The following SLC12A2 variants were observed in gnomAD, a reference collection of about 807,000 sequenced individuals.
SLC12A2 encodes the protein solute carrier family 12 member 2.
In SLC12A2, 67 loss-of-function variants were observed where a neutral mutation model predicts 136.3. The ratio of observed to expected loss-of-function variants is 0.49; its 90% CI spans 0.40 to 0.60. The LOEUF is 0.60. Ranked by LOEUF, SLC12A2 falls within the 20% of genes least tolerant of loss-of-function variation. The pLI is 0.00. For synonymous variants in SLC12A2, 619 were observed against 562.9 expected (o/e 1.10, Z -1.41); for missense variants, 1,322 against 1,534.7 (o/e 0.86, Z 2.32).
intron 4 of SLC12A2, among the ~76,000 whole-genome samples, chr5:128,124,545 G>C (rs1356189377): frequency 6.6e-6 from 1 of 152,114 alleles, no homozygotes; most frequent in African/African-American, 2.4e-5. Flanking sequence ...CTACAACACA[G>C]AAAGAGCCAA....
At chr5:128,109,766 T>TC (rs917444128) in intron 1 of SLC12A2, 1 of 866,370 alleles carries the variant, frequency 1.2e-6, no homozygotes, top group African/African-American at 1.7e-5. Context: ...AAAGGATGGG[T>TC]CCTTCATGGT....
At chr5:128,102,589 C>T (rs1256866091) in intron 1 of SLC12A2, among the ~76,000 whole-genome samples, 1 of 136,060 alleles carries the variant, frequency 7.3e-6, no homozygotes, top group Non-Finnish European at 1.6e-5. Context: ...TTCACCCCCC[C>T]CCCCGCCTTT....
intron 1 of SLC12A2, among the ~76,000 whole-genome samples, chr5:128,107,620 A>G (rs1199982968): frequency 6.6e-6 from 1 of 152,060 alleles, no homozygotes; most frequent in Non-Finnish European, 1.5e-5. Context: ...AAGGACATGA[A>G]CTCATCCTTT....
chr5:128,149,832 AAAAGT>A (rs1762642042), intron 12 of SLC12A2, among the ~76,000 whole-genome samples, 160 bp from the exon 13 acceptor site: 1 of 151,938 alleles, frequency 6.6e-6, no homozygotes, highest in Non-Finnish European at 1.5e-5. Context: ...TGGATTTCTG[AAAAGT>A]AAAGTATATG....
rs1760654145 is a variant in SLC12A2, at chr5:128,099,173, AATG to A, written c.757-13638_757-13636del. On this transcript the variant is annotated intron_variant, in intron 1 of 26. Coordinates refer to ENST00000262461, the MANE Select transcript of SLC12A2 (RefSeq NM_001046.3). ...ATTAGGTGATTTTGTCATTTTGCAT[AATG>A]ATACAAACCTAGAGAGCATATTCCA... 4.6e-5 allele frequency among the ~76,000 whole-genome samples: 7 copies of A among 152,162 alleles called. No individual in the cohort carries two copies. In the South Asian group the frequency reaches 1.4e-3, roughly 31 times the overall value.
At chr5:128,147,785 C>G in intron 11 of SLC12A2, 56 bp downstream of exon 11, 1 of 1,048,360 alleles carries the variant, frequency 9.5e-7, no homozygotes, top group South Asian at 1.4e-5. Context: ...TAATACTTCT[C>G]AATTTAGAAT....
chr5:128,118,314 C>CA (rs1761430041), intron 4 of SLC12A2, among the ~76,000 whole-genome samples: 2 of 152,006 alleles, frequency 1.3e-5, no homozygotes, highest in Non-Finnish European at 2.9e-5. Context: ...AATGTGGAAC[C>CA]AAACTTAAAT....
chr5:128,084,093 G>A lies in SLC12A2; in HGVS notation c.139G>A (p.Ala47Thr), dbSNP rs1216052909. ...TGTGCCCTCGGTGCCGGAGGATGCT[G>A]CGCCCGCGAGCCGGGACGGCGGCGG... ...TAVPSVPEDA[A>T]PASRDGGGVR... Residue 47 changes from alanine (A) to threonine (T), a missense_variant, in exon 1 of 27, where the codon GCG becomes ACG. Around this residue, in one of 8 missense-constraint regions of SLC12A2, gnomAD observed 358 missense variants for 299.7 expected, o/e 1.19. Coordinates refer to ENST00000262461, the MANE Select transcript of SLC12A2 (RefSeq NM_001046.3). This position sits in a 1 kb window ranked among gnomAD's most constrained non-coding sequence, Gnocchi z 5.6. 4 of 1,315,010 alleles carry A rather than the reference G, an allele frequency of 3.0e-6. No individual in the cohort carries two copies. Among genetic ancestry groups the A allele is most frequent in the South Asian group, 2.2e-5 (1 of 46,124 alleles). The allele number at this position is 1,315,010 out of a possible 1,614,324, so 81.5% of individuals were successfully genotyped here.
In SLC12A2 at chr5:128,114,680, A is replaced by G; in HGVS notation, c.1047A>G (p.Gly349=). Residue 349 remains glycine (G), a splice_region_variant and synonymous_variant, in exon 4 of 27, where the codon GGA becomes GGG. Coordinates refer to ENST00000262461, the MANE Select transcript of SLC12A2 (RefSeq NM_001046.3). ...TAGCAACTAATGGATTTGTAAGAGG[A>G]GGTAAGTAGAATCTTTTTGAATCAT... ...SAIATNGFVR[G]GGAYYLISRS... 1.9e-6 allele frequency: 3 copies of G among 1,569,256 alleles called. No homozygotes were observed. The highest frequency in any genetic ancestry group is 8.8e-7 in the Non-Finnish European group (1 of 1,139,600).
chr5:128,139,868 G>C (rs758873835), intron 9 of SLC12A2, among the ~76,000 whole-genome samples: 47 of 152,290 alleles, frequency 3.1e-4, no homozygotes, highest in Non-Finnish European at 5.6e-4. Flanking sequence ...GATTTGCTGG[G>C]AAGTAATAGC....
At chr5:128,117,500 C>T (rs1413662556) in intron 4 of SLC12A2, among the ~76,000 whole-genome samples, 1 of 152,032 alleles carries the variant, frequency 6.6e-6, no homozygotes, top group Non-Finnish European at 1.5e-5. Flanking sequence ...ACCAAGAAGT[C>T]GATGAGATTT....
At chr5:128,129,039 A>C (rs1262756081) in intron 4 of SLC12A2, among the ~76,000 whole-genome samples, 1 of 152,094 alleles carries the variant, frequency 6.6e-6, no homozygotes, top group Non-Finnish European at 1.5e-5. Context: ...ACATTTTATA[A>C]AATCAAAACT....
chr5:128,095,599 G>A (rs891934445), intron 1 of SLC12A2, among the ~76,000 whole-genome samples: 2 of 152,004 alleles, frequency 1.3e-5, no homozygotes, highest in African/African-American at 2.4e-5. Flanking sequence ...TACAACCTGC[G>A]GGCCACATGT....
At chr5:128,171,563 C>T (rs1177766496) in intron 18 of SLC12A2, 104 bp from the exon 19 acceptor site, 20 of 725,494 alleles carry the variant, frequency 2.8e-5, no homozygotes, top group Non-Finnish European at 3.5e-5. Context: ...CGTTTAAAGC[C>T]GAAAGTAATT....
intron 5 of SLC12A2, among the ~76,000 whole-genome samples, chr5:128,132,796 G>C (rs1378780126): frequency 1.3e-5 from 2 of 152,150 alleles, no homozygotes; most frequent in African/African-American, 4.8e-5. Context: ...GTACTCATTA[G>C]AGTTTATATT....
chr5:128,084,115 G>T lies in SLC12A2; in HGVS notation c.161G>T (p.Gly54Val). 2 of 1,307,090 alleles carry T rather than the reference G, an allele frequency of 1.5e-6. No individual in the cohort carries two copies. Among genetic ancestry groups the T allele is most frequent in the Non-Finnish European group, 1.9e-6 (2 of 1,032,572 alleles). The allele number at this position is 1,307,090 out of a possible 1,614,324, so 81.0% of individuals were successfully genotyped here. Residue 54 changes from glycine to valine, a missense_variant, in exon 1 of 27, where the codon GGC (glycine) becomes GTC (valine). Transcript: ENST00000262461. The surrounding 1 kb of genome is among the most constrained non-coding windows in gnomAD (Gnocchi z 5.6). ...GCTGCGCCCGCGAGCCGGGACGGCG[G>T]CGGGGTCCGCGATGAGGGCCCCGCG... ...EDAAPASRDGGGVRDEGPAAA... is the reference protein window; with the variant it reads ...EDAAPASRDGVGVRDEGPAAA...
At chr5:128,085,658 T>C (rs1760075364) in intron 1 of SLC12A2, among the ~76,000 whole-genome samples, 1 of 152,242 alleles carries the variant, frequency 6.6e-6, no homozygotes, top group Non-Finnish European at 1.5e-5. Context: ...AATGACTACA[T>C]TGATGGAATT....
chr5:128,157,466 C>CA (rs1190687240), intron 15 of SLC12A2, among the ~76,000 whole-genome samples: 1 of 152,014 alleles, frequency 6.6e-6, no homozygotes, highest in African/African-American at 2.4e-5. Flanking sequence ...CATGGGACGA[C>CA]AGTCATTAAT....
chr5:128,136,408 G>T (rs145859428), intron 7 of SLC12A2, among the ~76,000 whole-genome samples: 11 of 152,232 alleles, frequency 7.2e-5, no homozygotes, highest in Non-Finnish European at 1.5e-4. Flanking sequence ...CTTAGTCAAG[G>T]TTATACCTGC....
Sources: allele counts gnomAD v4.1 joint callset (sites outside exome capture counted in the v4.1 genomes callset), GRCh38; gene constraint gnomAD v4.1.1; regional missense constraint gnomAD v4.1.1; non-coding constraint Gnocchi (gnomAD v3.1); transcripts MANE v1.5; gene names NCBI Gene and HGNC (gene_info 2026-07-23, HGNC 2026-07-21).